The following DPY19L3 variants were observed in gnomAD, a reference collection of about 807,000 sequenced individuals.
DPY19L3 encodes the protein protein C-mannosyl-transferase DPY19L3.
In DPY19L3, 51 loss-of-function variants were observed where a neutral mutation model predicts 92.3. The observed-to-expected ratio is 0.55, with a 90% CI of 0.44 to 0.70. DPY19L3 has a LOEUF of 0.70. DPY19L3 is among the 30% of genes least tolerant of loss of function. The pLI is 0.00. For synonymous variants in DPY19L3, 309 were observed against 315.2 expected, an observed-to-expected ratio of 0.98 and a Z score of 0.21; for missense variants, 706 against 855.9, an observed-to-expected ratio of 0.82 and a Z score of 2.18.
Position 32,485,567 on chromosome 19 carries a change from A to C in DPY19L3, c.*3327A>C, listed in dbSNP as rs1970777116. On this transcript the variant is annotated 3_prime_UTR_variant, in exon 19 of 19. Coordinates refer to ENST00000392250, the MANE Select transcript of DPY19L3 (RefSeq NM_001172774.2). The stretch of plus-strand genomic sequence containing the variant: ...GTCTAAGATGTAAAAATTTGAGTTC[A>C]TCTTTGGCCAAAACCTACCTGAATT... The C allele has an allele frequency of 6.6e-6, 1 of 152,218 alleles. No homozygotes were observed. The highest frequency in any genetic ancestry group is 1.5e-5 in the Non-Finnish European group (1 of 68,028). 9.4% of individuals were successfully genotyped at this position (152,218 alleles called of 1,614,324 possible).
intron 3 of DPY19L3, among the ~76,000 whole-genome samples, chr19:32,419,069 T>G (rs534981041): frequency 6.6e-6 from 1 of 152,294 alleles, no homozygotes; most frequent in South Asian, 2.1e-4. Flanking sequence ...AAATTGAAAG[T>G]ATTCAAGATT....
intron 16 of DPY19L3, among the ~76,000 whole-genome samples, chr19:32,475,356 C>G (rs931513803): frequency 5.9e-5 from 9 of 152,190 alleles, no homozygotes; most frequent in Non-Finnish European, 1.5e-5. Flanking sequence ...TAGCTCTCGC[C>G]TCCACCTCCT....
At chr19:32,423,857 A>G (rs1033175352) in intron 3 of DPY19L3, among the ~76,000 whole-genome samples, 1 of 151,846 alleles carries the variant, frequency 6.6e-6, no homozygotes, top group African/African-American at 2.4e-5. Context: ...TCTAAAAACA[A>G]AAACAATTTG....
At chr19:32,454,761 A>T (rs1380205289) in intron 9 of DPY19L3, among the ~76,000 whole-genome samples, 178 bp from the exon 10 acceptor site, 1 of 152,166 alleles carries the variant, frequency 6.6e-6, no homozygotes, top group East Asian at 1.9e-4. Flanking sequence ...ACTACTAGAA[A>T]ATCACAAATA....
At chr19:32,442,553 C>G (rs1394723104) in intron 8 of DPY19L3, among the ~76,000 whole-genome samples, 1 of 152,110 alleles carries the variant, frequency 6.6e-6, no homozygotes, top group Non-Finnish European at 1.5e-5. Flanking sequence ...GAGAAGCAGA[C>G]TGCCTAGGGA....
chr19:32,416,715 G>T, intron 3 of DPY19L3, among the ~76,000 whole-genome samples: 1 of 152,212 alleles, frequency 6.6e-6, no homozygotes. Context: ...AGTCAGGCCT[G>T]TTACCCTCCT....
chr19:32,446,436 G>T (rs937661663), intron 8 of DPY19L3, among the ~76,000 whole-genome samples: 2 of 151,974 alleles, frequency 1.3e-5, no homozygotes, highest in African/African-American at 4.8e-5. Context: ...GAGATGGCAG[G>T]GTGGATTTAA....
intron 3 of DPY19L3, among the ~76,000 whole-genome samples, chr19:32,431,436 GTTTGT>G (rs989547800): frequency 6.6e-6 from 1 of 151,874 alleles, no homozygotes; most frequent in Non-Finnish European, 1.5e-5. Flanking sequence ...TTAGGACATG[GTTTGT>G]TTTGTTTTGT....
chr19:32,461,550 A>C (rs1198081021), intron 12 of DPY19L3, among the ~76,000 whole-genome samples: 1 of 152,208 alleles, frequency 6.6e-6, no homozygotes, highest in Non-Finnish European at 1.5e-5. Context: ...ACCAATATGG[A>C]AACCAGTGTT....
intron 8 of DPY19L3, among the ~76,000 whole-genome samples, chr19:32,452,876 T>G (rs548477186): frequency 6.1e-4 from 92 of 151,158 alleles, no homozygotes; most frequent in African/African-American, 2.2e-3. Context: ...TTTTTTTTTT[T>G]TGTATTTTTA....
intron 4 of DPY19L3, among the ~76,000 whole-genome samples, chr19:32,433,846 AT>A (rs1969048857): frequency 6.6e-6 from 1 of 152,234 alleles, no homozygotes; most frequent in Admixed American, 6.5e-5. Context: ...TTCATCCATA[AT>A]AAGGGTAATT....
chr19:32,425,260 T>C (rs1285323683), intron 3 of DPY19L3, among the ~76,000 whole-genome samples: 3 of 152,178 alleles, frequency 2.0e-5, no homozygotes, highest in African/African-American at 7.2e-5. Context: ...TACTCCAAAG[T>C]ACACCATCAG....
Position 32,477,554 on chromosome 19 carries a change from G to A in DPY19L3, c.1730G>A (p.Gly577Glu). The A allele has an allele frequency of 6.2e-7, 1 of 1,614,142 alleles. No homozygotes were observed. Among genetic ancestry groups the A allele is most frequent in the Admixed American group, 1.7e-5 (1 of 60,024 alleles). Residue 577 changes from glycine to glutamate, a missense_variant, in exon 17 of 19, where the codon GGA becomes GAA. Physicochemically the swap from Gly to Glu is moderately conservative, Grantham distance 98. Coordinates refer to ENST00000392250, the MANE Select transcript of DPY19L3 (RefSeq NM_001172774.2). ...ACTCCAAGAAAGGCTGTGTTTGCGG[G>A]AAGCATGCAGTTGCTGGCCGGAGTC... ...SNTPRKAVFA[G>E]SMQLLAGVKL...
intron 16 of DPY19L3, among the ~76,000 whole-genome samples, chr19:32,470,923 G>C (rs1970340550): frequency 2.0e-5 from 3 of 150,976 alleles, no homozygotes; most frequent in African/African-American, 4.9e-5. Flanking sequence ...AAAACTAGCT[G>C]CTTGGTATGT....
intron 8 of DPY19L3, among the ~76,000 whole-genome samples, chr19:32,449,750 A>G (rs185293996): frequency 2.6e-5 from 4 of 152,346 alleles, no homozygotes; most frequent in Admixed American, 2.6e-4. Flanking sequence ...CCTTCCTCTC[A>G]CTGTACACAC....
chr19:32,474,949 C>A (rs188106567), intron 16 of DPY19L3, among the ~76,000 whole-genome samples: 11 of 152,226 alleles, frequency 7.2e-5, no homozygotes, highest in Admixed American at 2.0e-4. Flanking sequence ...ACGTAATAGA[C>A]CCTCAGCAAT....
chr19:32,478,733 C>T (rs2145639313), intron 17 of DPY19L3, among the ~76,000 whole-genome samples: 1 of 152,296 alleles, frequency 6.6e-6, no homozygotes, highest in South Asian at 2.1e-4. Context: ...TAACAGCTTC[C>T]TTCCTATTTT....
At chr19:32,450,552 A>T (rs1028811506) in intron 8 of DPY19L3, among the ~76,000 whole-genome samples, 18 of 152,338 alleles carry the variant, frequency 1.2e-4, no homozygotes, top group Admixed American at 5.2e-4. Flanking sequence ...ATAAAAAAGA[A>T]TGTTGATACA....
chr19:32,432,578 G>C, intron 3 of DPY19L3, 138 bp from the exon 4 acceptor site: 2 of 643,424 alleles, frequency 3.1e-6, no homozygotes, highest in East Asian at 3.0e-5. Flanking sequence ...TTCCATTCTT[G>C]TTTGCCAAGA....
Sources: allele counts gnomAD v4.1 joint callset (sites outside exome capture counted in the v4.1 genomes callset), GRCh38; gene constraint gnomAD v4.1.1; transcripts MANE v1.5; gene names NCBI Gene and HGNC (gene_info 2026-07-23, HGNC 2026-07-21).